VWC2L: variants seen among roughly 807,000 people sequenced by gnomAD.
VWC2L encodes von Willebrand factor C domain-containing protein 2-like.
VWC2L carries 10 observed loss-of-function variants against 21.6 expected under a neutral mutation model. The ratio of observed to expected loss-of-function variants is 0.46; its 90% CI spans 0.29 to 0.78. The LOEUF (loss-of-function observed/expected upper bound fraction) is 0.78. VWC2L is among the 30% of genes least tolerant of loss of function. VWC2L has a pLI of 0.10. For missense variants in VWC2L, 209 were observed against 277.1 expected (o/e 0.75, Z 1.74); for synonymous variants, 96 against 94.3 (o/e 1.02, Z -0.10).
At chr2:214,532,789 A>T (rs1197195543) in intron 3 of VWC2L, among the ~76,000 whole-genome samples, 1 of 152,092 alleles carries the variant, frequency 6.6e-6, no homozygotes, top group Non-Finnish European at 1.5e-5. Flanking sequence ...AACTCATTTC[A>T]GGTGTTAGAG....
At chr2:214,468,237 G>C (rs946265161) in intron 3 of VWC2L, among the ~76,000 whole-genome samples, 1 of 152,048 alleles carries the variant, frequency 6.6e-6, no homozygotes, top group Non-Finnish European at 1.5e-5. Flanking sequence ...AGCTGGTCTC[G>C]AACTCCTGGC....
intron 3 of VWC2L, among the ~76,000 whole-genome samples, chr2:214,441,916 CTT>C (rs748117648): frequency 5.0e-5 from 7 of 140,444 alleles, no homozygotes; most frequent in Admixed American, 1.4e-4. Flanking sequence ...AATAAGATAC[CTT>C]TTTTTTTTTT....
At chr2:214,522,531 G>T in intron 3 of VWC2L, among the ~76,000 whole-genome samples, 1 of 152,032 alleles carries the variant, frequency 6.6e-6, no homozygotes, top group Non-Finnish European at 1.5e-5. Context: ...TTCGTTACAG[G>T]CATATGATGT....
In VWC2L at chr2:214,578,855, GAAAA is replaced by G. The variant is rs923739006; in HGVS notation, c.*3044_*3047del. ...AAATGGCGTGCCTGAAAACTAGTGAGAAAAAAAAAAAACCTAAACACTAAACTGT... is the reference window on the plus strand; with the variant it reads ...AAATGGCGTGCCTGAAAACTAGTGAGAAAAAAAACCTAAACACTAAACTGT... On this transcript the variant is annotated 3_prime_UTR_variant, in exon 4 of 4. Coordinates refer to ENST00000312504, the MANE Select transcript of VWC2L (RefSeq NM_001080500.4). The G allele has an allele frequency of 1.5e-5, 2 of 136,180 alleles. No individual in the cohort carries two copies. Among genetic ancestry groups the G allele is most frequent in the Non-Finnish European group, 3.2e-5 (2 of 62,544 alleles). The allele number at this position is 136,180 out of a possible 1,614,324, so 8.4% of individuals were successfully genotyped here. A position where few individuals can be genotyped will look rare whatever the true frequency, so the allele number is the denominator to read the frequency against.
intron 3 of VWC2L, among the ~76,000 whole-genome samples, chr2:214,565,280 C>A (rs1304086796): frequency 6.6e-6 from 1 of 152,194 alleles, no homozygotes; most frequent in Non-Finnish European, 1.5e-5. Context: ...AGATAAATAT[C>A]TTTGCCTACT....
chr2:214,498,169 C>T (rs894524031), intron 3 of VWC2L, among the ~76,000 whole-genome samples: 15 of 152,170 alleles, frequency 9.9e-5, no homozygotes, highest in Non-Finnish European at 2.1e-4. Context: ...TATCACTCCA[C>T]CCACCTTTGC....
chr2:214,463,294 G>T (rs918740835), intron 3 of VWC2L, among the ~76,000 whole-genome samples: 2 of 151,870 alleles, frequency 1.3e-5, no homozygotes, highest in African/African-American at 4.8e-5. Context: ...TTTTTATGAT[G>T]TACATAGATT....
chr2:214,467,689 CACA>C (rs1259273918), intron 3 of VWC2L, among the ~76,000 whole-genome samples: 1 of 152,132 alleles, frequency 6.6e-6, no homozygotes, highest in African/African-American at 2.4e-5. Context: ...TTCAGTCTGT[CACA>C]ACAATACAGC....
At chr2:214,420,253 A>T (rs1353976912) in intron 2 of VWC2L, among the ~76,000 whole-genome samples, 1 of 152,176 alleles carries the variant, frequency 6.6e-6, no homozygotes, top group African/African-American at 2.4e-5. Flanking sequence ...TTAAATCTGT[A>T]AAAACGTTTG....
chr2:214,466,035 C>A (rs1703211379), intron 3 of VWC2L, among the ~76,000 whole-genome samples: 2 of 152,156 alleles, frequency 1.3e-5, no homozygotes, highest in African/African-American at 4.8e-5. Flanking sequence ...GGATTCAAAG[C>A]TGTCTTTCCT....
intron 3 of VWC2L, among the ~76,000 whole-genome samples, chr2:214,497,106 T>TA (rs1368251242): frequency 6.6e-6 from 1 of 152,212 alleles, no homozygotes; most frequent in African/African-American, 2.4e-5. Flanking sequence ...AGCTGGTACT[T>TA]ACAGAAGTTC....
In VWC2L at chr2:214,457,307, C is replaced by T. The variant is rs148716284; in HGVS notation, c.520+20549C>T. Among the ~76,000 whole-genome samples, 1,424 of 152,024 alleles carry T rather than the reference C, an allele frequency of 9.4e-3. 11 individuals carry two copies. Among genetic ancestry groups the T allele is most frequent in the Non-Finnish European group, 0.012 (792 of 67,890 alleles). ...TTTAAAGGAATTAAAGTCTTGATTT[C>T]TTTTTCAACTAGCTCATTGTTGGTG... On this transcript the variant is annotated intron_variant, in intron 3 of 3. Coordinates refer to ENST00000312504, the MANE Select transcript of VWC2L (RefSeq NM_001080500.4).
chr2:214,562,295 T>C (rs901934113), intron 3 of VWC2L, among the ~76,000 whole-genome samples: 2 of 152,178 alleles, frequency 1.3e-5, no homozygotes, highest in Admixed American at 1.3e-4. Context: ...CTTCCAGCTC[T>C]ATCCATCTCC....
At chr2:214,438,687 A>G (rs907197413) in intron 3 of VWC2L, among the ~76,000 whole-genome samples, 3 of 152,054 alleles carry the variant, frequency 2.0e-5, no homozygotes, top group African/African-American at 7.2e-5. Context: ...ATCAGCCACT[A>G]CAAACTAGTT....
chr2:214,563,329 C>T (rs1175053938), intron 3 of VWC2L, among the ~76,000 whole-genome samples: 12 of 151,820 alleles, frequency 7.9e-5, no homozygotes, highest in African/African-American at 2.9e-4. Context: ...AGGTGGATCA[C>T]GAGGTCAGGA....
intron 3 of VWC2L, among the ~76,000 whole-genome samples, chr2:214,552,382 T>C (rs374015623): frequency 2.6e-5 from 4 of 151,486 alleles, no homozygotes; most frequent in Non-Finnish European, 4.4e-5. Flanking sequence ...ATCAACATGC[T>C]TTTTTTTTCC....
intron 3 of VWC2L, among the ~76,000 whole-genome samples, chr2:214,519,591 C>T (rs1689199602): frequency 6.6e-6 from 1 of 152,140 alleles, no homozygotes; most frequent in African/African-American, 2.4e-5. Context: ...AGGAACTGGC[C>T]ACAACAGTGT....
At chr2:214,413,095 G>C (rs1702301768) in intron 1 of VWC2L, among the ~76,000 whole-genome samples, 1 of 151,934 alleles carries the variant, frequency 6.6e-6, no homozygotes, top group Non-Finnish European at 1.5e-5. Flanking sequence ...AAATTAATAA[G>C]GCATATTTTC....
At chr2:214,556,385 A>G (rs1225663339) in intron 3 of VWC2L, among the ~76,000 whole-genome samples, 3 of 152,222 alleles carry the variant, frequency 2.0e-5, no homozygotes, top group Non-Finnish European at 4.4e-5. Flanking sequence ...ACAGTTGGCA[A>G]ATTTACAGCC....
Sources: gnomAD v4.1 joint callset for allele counts (sites outside exome capture counted in the v4.1 genomes callset) on GRCh38, gnomAD v4.1.1 for gene constraint, MANE v1.5 for transcripts, NCBI Gene and HGNC (gene_info 2026-07-23, HGNC 2026-07-21) for gene names.